The following NOL4 variants were observed in gnomAD, a reference collection of about 807,000 sequenced individuals.
The protein encoded by NOL4 is cancer/testis antigen 125.
In NOL4, 17 loss-of-function variants were observed where a neutral mutation model predicts 75.9. That is an observed-to-expected ratio of 0.22 (90% CI 0.15 to 0.34). NOL4 has a LOEUF of 0.34. NOL4 is among the 10% of genes least tolerant of loss of function. NOL4 has a pLI of 1.00. For synonymous variants in NOL4, 292 were observed against 289.9 expected, an observed-to-expected ratio of 1.01 and a Z score of -0.07; for missense variants, 614 against 793.5, an observed-to-expected ratio of 0.77 and a Z score of 2.72.
chr18:33,955,678 A>T (rs1326069831), intron 8 of NOL4, among the ~76,000 whole-genome samples: 1 of 152,092 alleles, frequency 6.6e-6, no homozygotes, highest in Non-Finnish European at 1.5e-5. Context: ...TCAGGAAAAC[A>T]ATTATTTTTC....
Position 33,852,796 on chromosome 18 carries a change from T to G in NOL4, c.*46A>C. On this transcript the variant is annotated 3_prime_UTR_variant, in exon 11 of 11. Coordinates refer to ENST00000261592, the MANE Select transcript of NOL4 (RefSeq NM_003787.5). ...TGTTGGGAAATCAAAATGTCATTAG[T>G]GGAAACTGCAAATTTAGACCTCAGT... The G allele has an allele frequency of 6.5e-7, 1 of 1,534,184 alleles. No homozygotes were observed. The highest frequency in any genetic ancestry group is 1.2e-5 in the South Asian group (1 of 83,194).
At chr18:33,871,534 T>C (rs529570377) in intron 10 of NOL4, among the ~76,000 whole-genome samples, 1 of 151,998 alleles carries the variant, frequency 6.6e-6, no homozygotes, top group African/African-American at 2.4e-5. Context: ...AGAGGATGTG[T>C]CAAAGTTCAA....
chr18:34,079,630 T>A (rs1446624407), intron 5 of NOL4, among the ~76,000 whole-genome samples: 1 of 152,100 alleles, frequency 6.6e-6, no homozygotes, highest in African/African-American at 2.4e-5. Flanking sequence ...AGTATGCTTT[T>A]CCCAGTGAGC....
rs185829169 is a variant in NOL4 at position 34,123,735 on chromosome 18, T to C, written c.414+6136A>G. 6.6e-4 allele frequency among the ~76,000 whole-genome samples: 99 copies of C among 149,848 alleles called. 4 individuals carry two copies. The highest frequency in any genetic ancestry group is 6.5e-3 in the Admixed American group (97 of 14,980). ...AGATAGATGGATACATATATGTCTA[T>C]ATAGATATAGAAAGACATAGATCTA... On this transcript the variant is annotated intron_variant, in intron 2 of 10. Coordinates refer to ENST00000261592, the MANE Select transcript of NOL4 (RefSeq NM_003787.5).
chr18:34,207,323 T>C (rs888762158), intron 1 of NOL4, among the ~76,000 whole-genome samples: 1 of 152,036 alleles, frequency 6.6e-6, no homozygotes, highest in African/African-American at 2.4e-5. Flanking sequence ...GTTAAAATCC[T>C]CCAGAAAAAA....
At chr18:34,204,510 T>C (rs1403881823) in intron 1 of NOL4, among the ~76,000 whole-genome samples, 1 of 152,134 alleles carries the variant, frequency 6.6e-6, no homozygotes, top group Non-Finnish European at 1.5e-5. Context: ...GAAAAGACTT[T>C]TACAAATGTG....
chr18:33,959,277 A>G (rs1948627986), intron 6 of NOL4, among the ~76,000 whole-genome samples: 1 of 152,178 alleles, frequency 6.6e-6, no homozygotes, highest in Admixed American at 6.5e-5. Context: ...AATACAATGC[A>G]TAAGTATATC....
Position 33,886,785 on chromosome 18 carries a change from C to CTATAGATATATCTATATACGTA in NOL4, c.1543-3383_1543-3362dup, listed in dbSNP as rs1189927520. Among the ~76,000 whole-genome samples, 290 of 139,146 alleles carry CTATAGATATATCTATATACGTA rather than the reference C, an allele frequency of 2.1e-3. 3 individuals are homozygous for CTATAGATATATCTATATACGTA. The highest frequency in any genetic ancestry group is 5.9e-3 in the African/African-American group (222 of 37,764). 91.3% of individuals were successfully genotyped at this position (139,146 alleles called of 152,430 possible). The stretch of plus-strand genomic sequence containing the variant: ...TATAGATATATCTATATATATATAT[C>CTATAGATATATCTATATACGTA]TATAGATATATCTATATACGTATAT... On this transcript the variant is annotated intron_variant, in intron 9 of 10. Transcript: ENST00000261592.
intron 5 of NOL4, among the ~76,000 whole-genome samples, chr18:34,044,367 CT>C (rs2076270888): frequency 6.6e-6 from 1 of 151,918 alleles, no homozygotes; most frequent in African/African-American, 2.4e-5. Context: ...TGAATATTTA[CT>C]TTTTTCCTTT....
At chr18:34,204,554 G>A (rs2035988545) in intron 1 of NOL4, among the ~76,000 whole-genome samples, 1 of 152,028 alleles carries the variant, frequency 6.6e-6, no homozygotes, top group African/African-American at 2.4e-5. Flanking sequence ...TAGTGAGTAG[G>A]AAAAAAGAAT....
At chr18:34,116,426 A>T (rs1274174373) in intron 2 of NOL4, among the ~76,000 whole-genome samples, 1 of 152,240 alleles carries the variant, frequency 6.6e-6, no homozygotes, top group East Asian at 1.9e-4. Flanking sequence ...CTATAAAGCC[A>T]AATACTGGCC....
intron 9 of NOL4, among the ~76,000 whole-genome samples, chr18:33,927,120 T>G (rs1393155294): frequency 1.3e-5 from 2 of 152,146 alleles, no homozygotes; most frequent in Non-Finnish European, 2.9e-5. Context: ...GATCCTGCCA[T>G]GTTCTGGGAG....
intron 1 of NOL4, among the ~76,000 whole-genome samples, chr18:34,145,372 T>C (rs2081354494): frequency 6.6e-6 from 1 of 152,006 alleles, no homozygotes; most frequent in Non-Finnish European, 1.5e-5. Flanking sequence ...TTGATAGCAA[T>C]TTTAGTAAAA....
chr18:34,007,880 G>A (rs1222550632), intron 6 of NOL4, among the ~76,000 whole-genome samples: 3 of 151,834 alleles, frequency 2.0e-5, no homozygotes, highest in Non-Finnish European at 4.4e-5. Context: ...TATGGGTGCC[G>A]AGTTAATAAG....
At chr18:34,118,833 T>C (rs2079986608) in intron 2 of NOL4, among the ~76,000 whole-genome samples, 1 of 152,196 alleles carries the variant, frequency 6.6e-6, no homozygotes, top group African/African-American at 2.4e-5. Context: ...GTGTACATCA[T>C]TGTACTACTG....
chr18:34,183,955 A>G (rs2034251658), intron 1 of NOL4, among the ~76,000 whole-genome samples: 1 of 151,938 alleles, frequency 6.6e-6, no homozygotes, highest in East Asian at 1.9e-4. Flanking sequence ...TATGTAAATA[A>G]ATATGTAAAT....
chr18:34,166,293 A>AT (rs1176372654), intron 1 of NOL4, among the ~76,000 whole-genome samples: 2 of 152,182 alleles, frequency 1.3e-5, no homozygotes, highest in African/African-American at 4.8e-5. Flanking sequence ...ATGAAAAGGC[A>AT]TTAATAAAAC....
intron 6 of NOL4, among the ~76,000 whole-genome samples, chr18:33,959,021 G>A (rs1452670776): frequency 2.6e-5 from 4 of 152,064 alleles, no homozygotes; most frequent in African/African-American, 7.2e-5. Flanking sequence ...TGAGTCTTAA[G>A]AGGTCATCTG....
At chr18:34,147,382 T>G (rs747775127) in intron 1 of NOL4, among the ~76,000 whole-genome samples, 9 of 152,258 alleles carry the variant, frequency 5.9e-5, no homozygotes, top group Non-Finnish European at 1.3e-4. Flanking sequence ...TATTTTGAGA[T>G]ACATTCCATC....
Sources: allele counts gnomAD v4.1 joint callset (sites outside exome capture counted in the v4.1 genomes callset), GRCh38; gene constraint gnomAD v4.1.1; transcripts MANE v1.5; gene names NCBI Gene and HGNC (gene_info 2026-07-23, HGNC 2026-07-21).